Variants in KCTD8 observed in about 807,000 individuals in gnomAD.
The protein encoded by KCTD8 is potassium channel tetramerization domain containing 8, also known as BTB/POZ domain-containing protein KCTD8.
Under a neutral mutation model 31.5 loss-of-function variants are expected in KCTD8, and 27 were observed. The observed-to-expected ratio is 0.86, with a 90% CI of 0.63 to 1.18. KCTD8 has a LOEUF of 1.18. Among genes scored for constraint, KCTD8 ranks in the 50% most tolerant of loss-of-function variants. The pLI is 0.00. For synonymous variants in KCTD8, 290 were observed against 280.0 expected (o/e 1.04, Z -0.36); for missense variants, 658 against 647.7 (o/e 1.02, Z -0.17).
intron 1 of KCTD8, among the ~76,000 whole-genome samples, chr4:44,306,034 A>T (rs1174946330): frequency 6.6e-6 from 1 of 151,988 alleles, no homozygotes; most frequent in African/African-American, 2.4e-5. Flanking sequence ...CATATAAAAA[A>T]GCACTTAGAT....
chr4:44,256,362 G>A (rs1715992062), intron 1 of KCTD8, among the ~76,000 whole-genome samples: 1 of 151,868 alleles, frequency 6.6e-6, no homozygotes, highest in Admixed American at 6.6e-5. Flanking sequence ...CAAAGAATTT[G>A]TATTTGATAT....
chr4:44,197,691 G>A (rs1713989235), intron 1 of KCTD8, among the ~76,000 whole-genome samples: 1 of 152,174 alleles, frequency 6.6e-6, no homozygotes, highest in African/African-American at 2.4e-5. Flanking sequence ...CACGGTAAAA[G>A]GAACACCAGC....
chr4:44,335,890 C>T (rs1456514613), intron 1 of KCTD8, among the ~76,000 whole-genome samples: 1 of 151,976 alleles, frequency 6.6e-6, no homozygotes, highest in African/African-American at 2.4e-5. Flanking sequence ...GTGGCTCACG[C>T]CTGTAATCCC....
intron 1 of KCTD8, among the ~76,000 whole-genome samples, chr4:44,313,802 T>G (rs1443975445): frequency 6.6e-6 from 1 of 152,198 alleles, no homozygotes; most frequent in African/African-American, 2.4e-5. Context: ...TCAGGAAGAA[T>G]GTCTTAATTG....
At chr4:44,372,312 G>A (rs1040203573) in intron 1 of KCTD8, among the ~76,000 whole-genome samples, 2 of 152,078 alleles carry the variant, frequency 1.3e-5, no homozygotes, top group African/African-American at 4.8e-5. Context: ...CCTTACACTC[G>A]AGGGGCTTAC....
intron 1 of KCTD8, among the ~76,000 whole-genome samples, chr4:44,264,943 G>C (rs1716297560): frequency 6.6e-6 from 1 of 152,224 alleles, no homozygotes; most frequent in African/African-American, 2.4e-5. Context: ...TGCCTCTGTA[G>C]GCTCCACCTC....
intron 1 of KCTD8, among the ~76,000 whole-genome samples, chr4:44,422,272 T>C (rs981327372): frequency 9.9e-5 from 15 of 152,102 alleles, no homozygotes; most frequent in Admixed American, 8.5e-4. Context: ...GAATTAAGTA[T>C]ATATAATATG....
At chr4:44,214,800 C>T (rs1368217075) in intron 1 of KCTD8, among the ~76,000 whole-genome samples, 1 of 152,124 alleles carries the variant, frequency 6.6e-6, no homozygotes, top group Non-Finnish European at 1.5e-5. Context: ...GACAAGACTG[C>T]CTTTTCAGAA....
chr4:44,177,177 C>A (rs1384009452), intron 1 of KCTD8, among the ~76,000 whole-genome samples: 4 of 152,108 alleles, frequency 2.6e-5, no homozygotes, highest in African/African-American at 9.7e-5. Flanking sequence ...CTCCTCTGTC[C>A]ACAGTGGCTG....
intron 1 of KCTD8, among the ~76,000 whole-genome samples, chr4:44,269,271 G>T (rs1191391644): frequency 6.6e-6 from 1 of 152,086 alleles, no homozygotes; most frequent in African/African-American, 2.4e-5. Flanking sequence ...ACAAACCTGA[G>T]AAAAACAAGC....
At chr4:44,326,441 G>A (rs1043345351) in intron 1 of KCTD8, among the ~76,000 whole-genome samples, 1 of 151,474 alleles carries the variant, frequency 6.6e-6, no homozygotes, top group East Asian at 1.9e-4. Flanking sequence ...AATAATTAAA[G>A]CCCACAGTAT....
At chr4:44,415,237 T>C (rs977348997) in intron 1 of KCTD8, among the ~76,000 whole-genome samples, 12 of 152,168 alleles carry the variant, frequency 7.9e-5, no homozygotes, top group African/African-American at 2.9e-4. Flanking sequence ...AGAAGTGGCA[T>C]GGCTTCTTCT....
chr4:44,272,362 G>T (rs1396932535), intron 1 of KCTD8, among the ~76,000 whole-genome samples: 1 of 151,656 alleles, frequency 6.6e-6, no homozygotes, highest in Non-Finnish European at 1.5e-5. Context: ...TACTTCTACT[G>T]TATATATTAT....
At chr4:44,421,463 TCTCTTGCAGAGC>T (rs1159550239) in intron 1 of KCTD8, among the ~76,000 whole-genome samples, 3 of 152,054 alleles carry the variant, frequency 2.0e-5, no homozygotes, top group Non-Finnish European at 4.4e-5. Context: ...ATTCAGTATA[TCTCTTGCAGAGC>T]CCAGACATAT....
At chr4:44,439,739 T>C (rs559484882) in intron 1 of KCTD8, among the ~76,000 whole-genome samples, 2 of 152,138 alleles carry the variant, frequency 1.3e-5, no homozygotes, top group South Asian at 4.1e-4. Context: ...ATAAAGCCTA[T>C]GTCAGGAGGC....
At chr4:44,412,486 C>A (rs1720985237) in intron 1 of KCTD8, among the ~76,000 whole-genome samples, 1 of 152,132 alleles carries the variant, frequency 6.6e-6, no homozygotes, top group Non-Finnish European at 1.5e-5. Flanking sequence ...TATATAATTT[C>A]TCCAATATGG....
At chr4:44,207,929 A>G (rs1714365589) in intron 1 of KCTD8, among the ~76,000 whole-genome samples, 1 of 152,200 alleles carries the variant, frequency 6.6e-6, no homozygotes, top group African/African-American at 2.4e-5. Flanking sequence ...CAATATAAAC[A>G]CAGGCAGAGT....
chr4:44,274,654 A>C (rs1716701584), intron 1 of KCTD8, among the ~76,000 whole-genome samples: 1 of 151,878 alleles, frequency 6.6e-6, no homozygotes, highest in Non-Finnish European at 1.5e-5. Flanking sequence ...GGCCCATGTC[A>C]AAAATTTGGT....
intron 1 of KCTD8, among the ~76,000 whole-genome samples, chr4:44,341,217 A>T (rs929739148): frequency 6.6e-6 from 1 of 152,216 alleles, no homozygotes; most frequent in Non-Finnish European, 1.5e-5. Flanking sequence ...CTGCTAAAAA[A>T]TGCTAACAAT....
Sources: allele counts gnomAD v4.1 joint callset (sites outside exome capture counted in the v4.1 genomes callset), GRCh38; gene constraint gnomAD v4.1.1; transcripts MANE v1.5; gene names NCBI Gene and HGNC (gene_info 2026-07-23, HGNC 2026-07-21).